Variants in TST observed in about 807,000 individuals in gnomAD.
The protein encoded by TST is thiosulfate sulfurtransferase, also known as epididymis secretory sperm binding protein.
In TST, 22 loss-of-function variants were observed where a neutral mutation model predicts 20.4. That is an observed-to-expected ratio of 1.08 (90% CI 0.77 to 1.54). The LOEUF (loss-of-function observed/expected upper bound fraction) is 1.54, where lower values mean the gene tolerates loss of function less well. TST is among the 40% of genes most tolerant of loss of function. The probability of loss-of-function intolerance (pLI) is 0.00; values close to 1 mark genes in which losing one functional copy is unlikely to be tolerated. For synonymous variants in TST, 187 were observed against 173.8 expected (o/e 1.08, Z -0.60); for missense variants, 392 against 405.2 (o/e 0.97, Z 0.28).
At chr22:37,020,107 G>A, upstream of TST, 1 of 388,246 alleles carries the variant, frequency 2.6e-6, no homozygotes, top group Middle Eastern at 6.3e-4. Flanking sequence ...TGACCTGGTG[G>A]CACCAGAGAG....
At chr22:37,014,491 C>T (rs1264479256) in intron 2 of TST, among the ~76,000 whole-genome samples, 1 of 152,242 alleles carries the variant, frequency 6.6e-6, no homozygotes, top group East Asian at 1.9e-4. Context: ...TCTCCCTGCC[C>T]CCAGCAGGCA....
chr22:37,018,931 A>C, intron 1 of TST, 178 bp from the exon 2 acceptor site: 3 of 486,014 alleles, frequency 6.2e-6, no homozygotes, highest in Middle Eastern at 5.4e-4. Flanking sequence ...TCCCTCTGGA[A>C]AGCCGGCCCC....
chr22:37,016,473 G>A (rs571079821), intron 2 of TST, among the ~76,000 whole-genome samples: 3 of 152,182 alleles, frequency 2.0e-5, no homozygotes, highest in East Asian at 3.9e-4. Context: ...GGGCCTTCAG[G>A]AGGCATTACC....
At chr22:37,019,595 G>C (rs1341667783), upstream of TST, 5 of 198,570 alleles carry the variant, frequency 2.5e-5, no homozygotes, top group East Asian at 3.6e-4. Flanking sequence ...CGCGCGCGGG[G>C]CCTCCGGGAC....
At chr22:37,015,957 TTTTTG>T (rs1922663997) in intron 2 of TST, among the ~76,000 whole-genome samples, 1 of 146,338 alleles carries the variant, frequency 6.8e-6, no homozygotes, top group African/African-American at 2.6e-5. Context: ...TTTTTTTTTT[TTTTTG>T]AGACAGAGTC....
intron 2 of TST, among the ~76,000 whole-genome samples, chr22:37,015,573 G>T (rs1017522824): frequency 6.6e-6 from 1 of 152,252 alleles, no homozygotes; most frequent in Admixed American, 6.5e-5. Context: ...CAGCCAAAGA[G>T]GAAGGCGCTT....
intron 2 of TST, among the ~76,000 whole-genome samples, chr22:37,016,432 C>T (rs957409692): frequency 1.3e-4 from 20 of 152,072 alleles, no homozygotes; most frequent in African/African-American, 4.3e-4. Context: ...GAGGTGTGAA[C>T]ACAATTACAG....
intron 2 of TST, among the ~76,000 whole-genome samples, chr22:37,014,858 T>C (rs1457383115): frequency 5.9e-5 from 9 of 152,184 alleles, no homozygotes; most frequent in Non-Finnish European, 1.2e-4. Context: ...TTTCTCCTTT[T>C]ACTAAGGAAT....
At chr22:37,011,395 CATCAGCT>C in intron 2 of TST, 70 bp from the exon 3 acceptor site, 1 of 1,489,810 alleles carries the variant, frequency 6.7e-7, no homozygotes, top group Non-Finnish European at 9.2e-7. Flanking sequence ...TGGAGGATTC[CATCAGCT>C]ATAGCTGGAA....
rs1351213190 is a variant in TST at position 37,018,306 on chromosome 22, A to G, written c.427T>C (p.Ser143Pro). 3 of 1,614,028 alleles carry G rather than the reference A, an allele frequency of 1.9e-6. No individual in the cohort carries two copies. Among genetic ancestry groups the G allele is most frequent in the South Asian group, 2.2e-5 (2 of 91,082 alleles). ...NWLKEGHPVT[S>P]EPSRPEPAVF... The stretch of plus-strand genomic sequence containing the variant: ...GCCGGTTCTGGGCGTGAGGGCTCGG[A>G]TGTCACCGGGTGGCCCTCCTTCAGC... Residue 143 changes from serine to proline, a missense_variant, in exon 2 of 3, where the codon TCC becomes CCC. Transcript: ENST00000249042.
At position 37,011,214 on chromosome 22, in the gene TST, T is replaced by C; in HGVS notation, c.707A>G (p.Lys236Arg). 6.2e-7 allele frequency: 1 copy of C among 1,613,964 alleles called. No homozygotes were observed. Among genetic ancestry groups the C allele is most frequent in the South Asian group, 1.1e-5 (1 of 91,080 alleles). Residue 236 changes from lysine to arginine, a missense_variant, in exon 3 of 3, where the codon AAG (lysine) becomes AGG (arginine). Physicochemically the swap from Lys to Arg is conservative, Grantham distance 26. Coordinates refer to ENST00000249042, the MANE Select transcript of TST (RefSeq NM_003312.6). ...GAGAGGCTGCGAGAGATCCACCTTC[T>C]TGGTCTGGAACAGAGCACGGAGCTC... Reference protein sequence around the residue: ...PEELRALFQTKKVDLSQPLIA... With the variant: ...PEELRALFQTRKVDLSQPLIA...
intron 2 of TST, among the ~76,000 whole-genome samples, chr22:37,012,115 C>T (rs981848688): frequency 4.6e-5 from 7 of 152,212 alleles, no homozygotes; most frequent in Middle Eastern, 6.3e-3. Flanking sequence ...CTGCACGAAG[C>T]GGGTGGCACA....
intron 2 of TST, among the ~76,000 whole-genome samples, chr22:37,016,856 C>A (rs1922699745): frequency 6.6e-6 from 1 of 152,258 alleles, no homozygotes; most frequent in African/African-American, 2.4e-5. Flanking sequence ...GGCTCTGTCA[C>A]TAACTAGCTA....
Position 37,018,310 on chromosome 22 carries a change from C to A in TST, c.423G>T (p.Val141=). ...FRNWLKEGHP[V]TSEPSRPEPA... ...GTTCTGGGCGTGAGGGCTCGGATGTCACCGGGTGGCCCTCCTTCAGCCAGT... is the reference window on the plus strand; with the variant it reads ...GTTCTGGGCGTGAGGGCTCGGATGTAACCGGGTGGCCCTCCTTCAGCCAGT... Residue 141 remains valine (V), a synonymous_variant, in exon 2 of 3, where the codon GTG becomes GTT. Coordinates refer to ENST00000249042, the MANE Select transcript of TST (RefSeq NM_003312.6). The A allele has an allele frequency of 6.2e-7, 1 of 1,614,026 alleles. No individual in the cohort carries two copies. Among genetic ancestry groups the A allele is most frequent in the South Asian group, 1.1e-5 (1 of 91,086 alleles).
At chr22:37,016,758 A>C (rs1183910434) in intron 2 of TST, among the ~76,000 whole-genome samples, 1 of 152,178 alleles carries the variant, frequency 6.6e-6, no homozygotes, top group African/African-American at 2.4e-5. Context: ...TTGAATCTTC[A>C]ACTCCAGACC....
chr22:37,010,879 G>A lies in TST; in HGVS notation c.*148C>T. On this transcript the variant is annotated 3_prime_UTR_variant, in exon 3 of 3. Transcript: ENST00000249042. Reference sequence around the variant, plus strand: ...AAACACACTACTCAGAAAAGGCAAAGTTTATTCCAGTGTTGACAGAGAGAG... The same window carrying A: ...AAACACACTACTCAGAAAAGGCAAAATTTATTCCAGTGTTGACAGAGAGAG... The A allele has an allele frequency of 8.3e-7, 1 of 1,210,900 alleles. No individual in the cohort carries two copies. Among genetic ancestry groups the A allele is most frequent in the Non-Finnish European group, 1.1e-6 (1 of 872,488 alleles). 75.0% of individuals were successfully genotyped at this position (1,210,900 alleles called of 1,614,324 possible). A position where few individuals can be genotyped will look rare whatever the true frequency, so the allele number is the denominator to read the frequency against.
chr22:37,014,689 C>G (rs1424985283), intron 2 of TST, among the ~76,000 whole-genome samples: 1 of 152,204 alleles, frequency 6.6e-6, no homozygotes, highest in African/African-American at 2.4e-5. Context: ...TGGTCTGCCC[C>G]CAACGCCTGT....
intron 2 of TST, among the ~76,000 whole-genome samples, chr22:37,017,675 A>G (rs1569162541): frequency 6.6e-6 from 1 of 152,038 alleles, no homozygotes; most frequent in Admixed American, 6.5e-5. Context: ...AGATTTGGGG[A>G]GAGGGGGATC....
chr22:37,018,707 G>C lies in TST; in HGVS notation c.26C>G (p.Ala9Gly). MVHQVLYR[A>G]LVSTKWLAES... Reference sequence around the variant, plus strand: ...CGCCAGCCACTTGGTGGAGACCAGCGCCCGGTAGAGCACCTGATGAACCAT... The same window carrying C: ...CGCCAGCCACTTGGTGGAGACCAGCCCCCGGTAGAGCACCTGATGAACCAT... Residue 9 changes from alanine (A) to glycine (G), a missense_variant, in exon 2 of 3, where the codon GCG becomes GGG. Coordinates refer to ENST00000249042, the MANE Select transcript of TST (RefSeq NM_003312.6). 6.6e-7 allele frequency: 1 copy of C among 1,510,948 alleles called. No homozygotes were observed. 93.6% of individuals were successfully genotyped at this position (1,510,948 alleles called of 1,614,324 possible).
Sources: gnomAD v4.1 joint callset for allele counts (sites outside exome capture counted in the v4.1 genomes callset) on GRCh38, gnomAD v4.1.1 for gene constraint, MANE v1.5 for transcripts, NCBI Gene and HGNC (gene_info 2026-07-23, HGNC 2026-07-21) for gene names.